The following NRXN3 variants were observed in gnomAD, a reference collection of about 807,000 sequenced individuals.
NRXN3 encodes neurexin III.
Under a neutral mutation model 137.6 loss-of-function variants are expected in NRXN3, and 32 were observed. The ratio of observed to expected loss-of-function variants is 0.23; its 90% CI spans 0.18 to 0.31. The LOEUF is 0.31. NRXN3 is among the 10% of genes least tolerant of loss of function. The probability of loss-of-function intolerance (pLI) is 1.00; values close to 1 mark genes in which losing one functional copy is unlikely to be tolerated. For synonymous variants in NRXN3, 798 were observed against 784.5 expected, an observed-to-expected ratio of 1.02 and a Z score of -0.29; for missense variants, 1,574 against 2,062.5, an observed-to-expected ratio of 0.76 and a Z score of 4.59.
At chr14:79,019,686 G>A (rs534990525) in intron 15 of NRXN3, among the ~76,000 whole-genome samples, 1 of 152,278 alleles carries the variant, frequency 6.6e-6, no homozygotes, top group African/African-American at 2.4e-5. Flanking sequence ...CCCATGGAGT[G>A]GAGTTTTGCA....
chr14:79,834,952 AC>A (rs1419214538), intron 20 of NRXN3, among the ~76,000 whole-genome samples: 1 of 152,034 alleles, frequency 6.6e-6, no homozygotes, highest in Non-Finnish European at 1.5e-5. Context: ...CCGACCCGCC[AC>A]CCCAACCCTA....
At chr14:79,231,466 C>A (rs1413440806) in intron 15 of NRXN3, among the ~76,000 whole-genome samples, 9 of 152,130 alleles carry the variant, frequency 5.9e-5, no homozygotes, top group Non-Finnish European at 1.5e-5. Context: ...ACCTCACACC[C>A]ATTTAGTAGT....
chr14:79,284,162 T>A (rs993238302), intron 15 of NRXN3, among the ~76,000 whole-genome samples: 1 of 150,612 alleles, frequency 6.6e-6, no homozygotes, highest in South Asian at 2.1e-4. Context: ...ATTTTTTCCT[T>A]CTTTTTTTCC....
At chr14:79,444,025 T>G (rs867203156) in intron 15 of NRXN3, among the ~76,000 whole-genome samples, 18 of 152,174 alleles carry the variant, frequency 1.2e-4, no homozygotes, top group African/African-American at 3.6e-4. Context: ...CACTGGGGGT[T>G]CAGAGCCGCC....
chr14:78,324,468 G>T (rs2079799981), intron 4 of NRXN3, among the ~76,000 whole-genome samples: 1 of 152,128 alleles, frequency 6.6e-6, no homozygotes, highest in Non-Finnish European at 1.5e-5. Flanking sequence ...TTTTCAAAAA[G>T]GAAGAAGTCC....
chr14:79,494,516 C>T (rs376118890), intron 16 of NRXN3, among the ~76,000 whole-genome samples: 8 of 152,210 alleles, frequency 5.3e-5, no homozygotes, highest in East Asian at 3.9e-4. Flanking sequence ...TTGCATGAAA[C>T]GTCATTAAGA....
intron 4 of NRXN3, among the ~76,000 whole-genome samples, chr14:78,330,127 G>T (rs1292328646): frequency 6.6e-6 from 1 of 152,106 alleles, no homozygotes; most frequent in African/African-American, 2.4e-5. Flanking sequence ...GTTAAACAGA[G>T]AATATTTTAA....
intron 10 of NRXN3, among the ~76,000 whole-genome samples, chr14:78,923,146 C>A (rs2099275678): frequency 6.6e-6 from 1 of 152,284 alleles, no homozygotes; most frequent in East Asian, 1.9e-4. Flanking sequence ...TTGAGTGCTG[C>A]CTCGAGCCCA....
chr14:79,790,651 C>T (rs1461405803), intron 19 of NRXN3, among the ~76,000 whole-genome samples: 57 of 132,966 alleles, frequency 4.3e-4, no homozygotes, highest in South Asian at 2.6e-3. Context: ...GACAGAGTCT[C>T]GCTCTGTCAC....
intron 3 of NRXN3, among the ~76,000 whole-genome samples, chr14:78,292,890 C>T (rs2075948666): frequency 6.6e-6 from 1 of 152,128 alleles, no homozygotes; most frequent in Non-Finnish European, 1.5e-5. Context: ...GGCAGTGTGA[C>T]CTGGGAGATT....
chr14:79,127,652 G>A lies in NRXN3; in HGVS notation c.3262+139511G>A, dbSNP rs199555204. 8.1e-3 allele frequency among the ~76,000 whole-genome samples: 1,239 copies of A among 152,094 alleles called. 97 individuals carry two copies. In the East Asian group the frequency reaches 0.19, roughly 24 times the overall value. The stretch of plus-strand genomic sequence containing the variant: ...TCTTTTGGCTTAGGATTGACTTGGC[G>A]ATGCAGGCTCTTTTTTGGTTCCATA... On this transcript the variant is annotated intron_variant, in intron 15 of 20. Coordinates refer to ENST00000335750, the MANE Select transcript of NRXN3 (RefSeq NM_001330195.2).
At chr14:79,429,562 C>A (rs1283622715) in intron 15 of NRXN3, among the ~76,000 whole-genome samples, 1 of 152,176 alleles carries the variant, frequency 6.6e-6, no homozygotes. Flanking sequence ...AAGTGTAACT[C>A]TTGTTATTAA....
chr14:79,633,703 C>G (rs907698574), intron 16 of NRXN3, among the ~76,000 whole-genome samples: 10 of 152,192 alleles, frequency 6.6e-5, no homozygotes, highest in African/African-American at 2.4e-4. Flanking sequence ...TAATAAGACT[C>G]TCTTTTGAGA....
At chr14:78,406,014 G>A (rs1354020733) in intron 4 of NRXN3, among the ~76,000 whole-genome samples, 1 of 152,144 alleles carries the variant, frequency 6.6e-6, no homozygotes, top group African/African-American at 2.4e-5. Context: ...GGTAGTGAAT[G>A]GATGAATCAT....
intron 4 of NRXN3, among the ~76,000 whole-genome samples, chr14:78,602,945 C>T (rs1369431199): frequency 3.3e-5 from 5 of 152,114 alleles, no homozygotes; most frequent in African/African-American, 1.2e-4. Flanking sequence ...AAGAGAGTGT[C>T]AGGAGCCTGC....
At chr14:79,743,765 A>G (rs770537928) in intron 19 of NRXN3, among the ~76,000 whole-genome samples, 13 of 152,204 alleles carry the variant, frequency 8.5e-5, no homozygotes. Flanking sequence ...ACAAGTGTAC[A>G]GGAGTCAAGA....
intron 19 of NRXN3, among the ~76,000 whole-genome samples, chr14:79,795,493 AC>A (rs1429334233): frequency 1.3e-5 from 2 of 151,932 alleles, no homozygotes; most frequent in African/African-American, 4.8e-5. Context: ...TCGAAAGCTG[AC>A]CTCCTCTGCA....
At chr14:79,675,471 G>A (rs985183981) in intron 17 of NRXN3, among the ~76,000 whole-genome samples, 2 of 152,044 alleles carry the variant, frequency 1.3e-5, no homozygotes, top group African/African-American at 4.8e-5. Context: ...TTAGCTGGGG[G>A]AACCCTGATT....
At chr14:78,575,381 C>A (rs982427464) in intron 4 of NRXN3, among the ~76,000 whole-genome samples, 4 of 152,012 alleles carry the variant, frequency 2.6e-5, no homozygotes, top group Admixed American at 2.0e-4. Flanking sequence ...AAAATGAGTA[C>A]CTGAATGATG....
Sources: allele counts gnomAD v4.1 joint callset (sites outside exome capture counted in the v4.1 genomes callset), GRCh38; gene constraint gnomAD v4.1.1; transcripts MANE v1.5; gene names NCBI Gene and HGNC (gene_info 2026-07-23, HGNC 2026-07-21).